PPWD1: variants seen among roughly 807,000 people sequenced by gnomAD.
PPWD1 encodes the protein peptidylprolyl isomerase domain and WD repeat-containing protein 1.
PPWD1 carries 43 observed loss-of-function variants against 68.8 expected under a neutral mutation model. That is an observed-to-expected ratio of 0.62 (90% confidence interval 0.49 to 0.81). The LOEUF is 0.81. Ranked by LOEUF, PPWD1 falls within the 30% of genes least tolerant of loss-of-function variation. PPWD1 has a pLI of 0.00. For missense variants in PPWD1, 672 were observed against 804.8 expected (o/e 0.83, Z 2.00); for synonymous variants, 232 against 258.7 (o/e 0.90, Z 0.99).
chr5:65,563,528 G>A (rs1466462151), intron 1 of PPWD1, 22 bp downstream of exon 1: 1 of 1,594,134 alleles, frequency 6.3e-7, no homozygotes, highest in Middle Eastern at 1.7e-4. Context: ...CATAGTACCG[G>A]GACGAATTGG....
chr5:65,564,779 A>T (rs1390530771), intron 1 of PPWD1, among the ~76,000 whole-genome samples: 1 of 152,054 alleles, frequency 6.6e-6, no homozygotes, highest in Non-Finnish European at 1.5e-5. Context: ...TCGGTCTTGT[A>T]CTTTTTTTTC....
chr5:65,573,481 T>TATATATATATATATATATAAAA (rs1304267719), intron 5 of PPWD1, among the ~76,000 whole-genome samples: 1 of 93,432 alleles, frequency 1.1e-5, no homozygotes, highest in African/African-American at 5.2e-5. Context: ...ATATATTTTT[T>TATATATATATATATATATAAAA]TTTTATTAGA....
chr5:65,576,666 T>C, intron 5 of PPWD1: 1 of 753,586 alleles, frequency 1.3e-6, no homozygotes, highest in Non-Finnish European at 1.6e-6. Context: ...TAAGCCACCA[T>C]GCCCAGCCTG....
intron 1 of PPWD1, chr5:65,563,850 G>T: frequency 6.8e-7 from 1 of 1,480,948 alleles, no homozygotes; most frequent in East Asian, 2.5e-5. Context: ...GTATGCAAAA[G>T]GGTACCAGTT....
intron 2 of PPWD1, 139 bp downstream of exon 2, chr5:65,567,754 C>T (rs566049674): frequency 7.5e-7 from 1 of 1,338,694 alleles, no homozygotes; most frequent in African/African-American, 1.5e-5. Flanking sequence ...TAAAGGCCTA[C>T]ATGTTCTTTC....
Position 65,567,627 on chromosome 5 carries a change from A to G in PPWD1, c.299+12A>G. 1 of 1,567,644 alleles carries G rather than the reference A, an allele frequency of 6.4e-7. No individual in the cohort carries two copies. The highest frequency in any genetic ancestry group is 8.6e-7 in the Non-Finnish European group (1 of 1,157,520). On this transcript the variant is annotated intron_variant, in intron 2 of 10. Coordinates refer to ENST00000261308, the MANE Select transcript of PPWD1 (RefSeq NM_015342.4). ...GTGGTATGCACCAAGTAAGTCTATCACATCTTTTTTACTTTGTTCTGAGTT... is the reference window on the plus strand; with the variant it reads ...GTGGTATGCACCAAGTAAGTCTATCGCATCTTTTTTACTTTGTTCTGAGTT...
At chr5:65,582,270 A>G (rs930814053) in intron 7 of PPWD1, among the ~76,000 whole-genome samples, 6 of 152,190 alleles carry the variant, frequency 3.9e-5, no homozygotes, top group African/African-American at 1.2e-4. Context: ...AGTTTTAACA[A>G]CTGAAAGGTT....
In PPWD1 at chr5:65,567,504, T is replaced by C. The variant is rs760495765; in HGVS notation, c.197-9T>C. 87 of 1,592,958 alleles carry C rather than the reference T, an allele frequency of 5.5e-5. No homozygotes were observed. The highest frequency in any genetic ancestry group is 7.0e-5 in the Non-Finnish European group (82 of 1,170,962). Reference sequence around the variant, plus strand: ...AAATAGATCTTATACTTTACTTTTTTTTCTTCAGTCTTAGAGTTTGAAAGA... The same window carrying C: ...AAATAGATCTTATACTTTACTTTTTCTTCTTCAGTCTTAGAGTTTGAAAGA... On this transcript the variant is annotated splice_polypyrimidine_tract_variant and intron_variant, in intron 1 of 10. Transcript: ENST00000261308.
At chr5:65,584,378 C>T (rs1448160873) in intron 8 of PPWD1, among the ~76,000 whole-genome samples, 3 of 152,154 alleles carry the variant, frequency 2.0e-5, no homozygotes, top group East Asian at 1.9e-4. Context: ...ATTGAGAAAG[C>T]TTCGTACTCT....
Position 65,567,577 on chromosome 5 carries a change from C to G in PPWD1, c.261C>G (p.Tyr87Ter). 4.3e-6 allele frequency: 7 copies of G among 1,610,938 alleles called. No individual in the cohort carries two copies. The highest frequency in any genetic ancestry group is 5.9e-6 in the Non-Finnish European group (7 of 1,178,532). Reference protein sequence around the residue: ...LPSASMYERSYMHRDVITHVV... With the variant: ...LPSASMYERS ...GTGCATCCATGTATGAGCGCAGTTA[C>G]ATGCATAGAGATGTTATCACCCATG... The change falls in exon 2 of 11, where the codon TAC (tyrosine) becomes TAG (stop). Residue 87 changes from tyrosine to a stop codon, truncating the protein, a stop_gained. Transcript: ENST00000261308. LOFTEE classifies it high-confidence loss of function.
chr5:65,584,789 A>G (rs1406779464), intron 8 of PPWD1, among the ~76,000 whole-genome samples: 3 of 152,170 alleles, frequency 2.0e-5, no homozygotes, highest in African/African-American at 7.2e-5. Context: ...ATATTAGTTA[A>G]GCAGTCATGT....
At chr5:65,579,395 T>A in intron 6 of PPWD1, 29 bp from the exon 7 acceptor site, 2 of 1,435,956 alleles carry the variant, frequency 1.4e-6, no homozygotes, top group South Asian at 3.2e-5. Flanking sequence ...TCGGTGATTC[T>A]GTTGTATAAA....
intron 9 of PPWD1, 95 bp downstream of exon 9, chr5:65,585,190 C>G (rs1005743216): frequency 1.9e-5 from 24 of 1,247,814 alleles, no homozygotes; most frequent in Middle Eastern, 2.7e-4. Flanking sequence ...CACACTTAAT[C>G]AGTTTAGTGG....
chr5:65,575,854 T>G (rs1404459151), intron 5 of PPWD1, among the ~76,000 whole-genome samples: 1 of 152,236 alleles, frequency 6.6e-6, no homozygotes, highest in African/African-American at 2.4e-5. Context: ...TTGAGACATT[T>G]TCTGAAATAT....
intron 9 of PPWD1, 49 bp from the exon 10 acceptor site, chr5:65,585,950 A>G: frequency 6.3e-7 from 1 of 1,590,518 alleles, no homozygotes; most frequent in Non-Finnish European, 8.6e-7. Flanking sequence ...TTCAAAGCGT[A>G]CATATATCGA....
intron 1 of PPWD1, among the ~76,000 whole-genome samples, chr5:65,566,199 G>C (rs1371104445): frequency 6.6e-6 from 1 of 152,138 alleles, no homozygotes; most frequent in Non-Finnish European, 1.5e-5. Flanking sequence ...CCAAAATAAC[G>C]ATGTTGAAGA....
chr5:65,571,588 G>A (rs1351266993), intron 4 of PPWD1, among the ~76,000 whole-genome samples: 2 of 152,126 alleles, frequency 1.3e-5, no homozygotes, highest in Admixed American at 1.3e-4. Flanking sequence ...TAAGTGTGCT[G>A]CTATATGCAG....
chr5:65,586,096 G>C lies in PPWD1; in HGVS notation c.1712G>C (p.Arg571Pro). 6.2e-7 allele frequency: 1 copy of C among 1,613,576 alleles called. No individual in the cohort carries two copies. Among genetic ancestry groups the C allele is most frequent in the Non-Finnish European group, 8.5e-7 (1 of 1,179,620 alleles). Residue 571 changes from arginine to proline, a missense_variant, in exon 10 of 11, where the codon CGA becomes CCA. Physicochemically the swap from Arg to Pro is moderately radical, Grantham distance 103. Transcript: ENST00000261308. ...EFEDEFHSTL[R>P]HDRPYTLSMA... ...GAAGATGAATTTCATTCAACATTAC[G>C]ACATGACAGGCCATACACACTCAGC...
Position 65,567,530 on chromosome 5 carries a change from G to A in PPWD1, c.214G>A (p.Val72Ile). The change falls in exon 2 of 11, where the codon GTC (valine) becomes ATC (isoleucine). Residue 72 changes from valine to isoleucine, a missense_variant. Physicochemically the swap from Val to Ile is conservative, Grantham distance 29. This residue lies in a region of PPWD1 where 188 missense variants were observed against 158.6 expected (regional missense o/e 1.19). Coordinates refer to ENST00000261308, the MANE Select transcript of PPWD1 (RefSeq NM_015342.4). ...KKRKVLEFERVYLDNLPSASM... is the reference protein window; with the variant it reads ...KKRKVLEFERIYLDNLPSASM... ...TTCTTCAGTCTTAGAGTTTGAAAGA[G>A]TCTATCTTGATAATCTCCCCAGTGC... is the stretch of plus-strand genomic sequence containing the variant. 6.2e-7 allele frequency: 1 copy of A among 1,610,702 alleles called. No individual in the cohort carries two copies. The highest frequency in any genetic ancestry group is 1.1e-5 in the South Asian group (1 of 90,692).
Sources: allele counts gnomAD v4.1 joint callset (sites outside exome capture counted in the v4.1 genomes callset), GRCh38; gene constraint gnomAD v4.1.1; regional missense constraint gnomAD v4.1.1; transcripts MANE v1.5; gene names NCBI Gene and HGNC (gene_info 2026-07-23, HGNC 2026-07-21).